Variants in LDLRAD4 observed in about 807,000 individuals in gnomAD.
LDLRAD4 encodes the protein low-density lipoprotein receptor class A domain-containing protein 4.
A neutral mutation model predicts 17.0 loss-of-function variants in LDLRAD4; 5 were observed. The observed-to-expected ratio is 0.29, with a 90% CI of 0.15 to 0.62. The LOEUF (loss-of-function observed/expected upper bound fraction) is 0.62. Ranked by LOEUF, LDLRAD4 falls within the 20% of genes least tolerant of loss-of-function variation. The pLI is 0.84. For synonymous variants in LDLRAD4, 168 were observed against 171.8 expected, an observed-to-expected ratio of 0.98 and a Z score of 0.17; for missense variants, 340 against 424.7, an observed-to-expected ratio of 0.80 and a Z score of 1.75.
intron 3 of LDLRAD4, among the ~76,000 whole-genome samples, chr18:13,479,485 G>A (rs181466977): frequency 7.9e-4 from 120 of 152,304 alleles, no homozygotes; most frequent in African/African-American, 2.6e-3. Context: ...GCTGGACATG[G>A]TGGTGGGTGC....
At chr18:13,299,368 T>A (rs2046452878) in intron 1 of LDLRAD4, among the ~76,000 whole-genome samples, 1 of 152,204 alleles carries the variant, frequency 6.6e-6, no homozygotes, top group Non-Finnish European at 1.5e-5. Context: ...GTGGGTAGCA[T>A]CTATCCTCTG....
intron 2 of LDLRAD4, among the ~76,000 whole-genome samples, chr18:13,429,752 G>T (rs2090199611): frequency 6.6e-6 from 1 of 152,222 alleles, no homozygotes; most frequent in South Asian, 2.1e-4. Flanking sequence ...CCTGCATGCA[G>T]ACCTGAGCCA....
At chr18:13,224,380 G>T (rs1457988095) in intron 1 of LDLRAD4, among the ~76,000 whole-genome samples, 1 of 152,276 alleles carries the variant, frequency 6.6e-6, no homozygotes, top group South Asian at 2.1e-4. Context: ...GGGTCTGGGG[G>T]TGTGTGCTGG....
At chr18:13,438,855 CAT>C (rs2090839263) in intron 3 of LDLRAD4, among the ~76,000 whole-genome samples, 1 of 152,194 alleles carries the variant, frequency 6.6e-6, no homozygotes, top group Admixed American at 6.5e-5. Context: ...GAGGTTTTGA[CAT>C]GTGTGAATCC....
chr18:13,310,770 C>T (rs537514193), intron 1 of LDLRAD4, among the ~76,000 whole-genome samples: 1 of 152,362 alleles, frequency 6.6e-6, no homozygotes, highest in East Asian at 1.9e-4. Flanking sequence ...TGGCTTATCT[C>T]ATTTACTGTA....
chr18:13,486,528 CAG>C (rs1463205915), intron 3 of LDLRAD4: 1 of 152,342 alleles, frequency 6.6e-6, no homozygotes, highest in African/African-American at 2.4e-5. Context: ...CGCGGAGCAG[CAG>C]AGTCAGCGGA....
chr18:13,581,830 T>TTGTG (rs144056444), intron 3 of LDLRAD4, among the ~76,000 whole-genome samples: 1 of 151,998 alleles, frequency 6.6e-6, no homozygotes, highest in South Asian at 2.1e-4. Flanking sequence ...ATGCATGAGC[T>TTGTG]TGTGTGTGTG....
chr18:13,244,124 T>TCCCCCC (rs2042833462), intron 1 of LDLRAD4, among the ~76,000 whole-genome samples: 3 of 75,852 alleles, frequency 4.0e-5, no homozygotes, highest in Admixed American at 1.6e-4. Context: ...CACCATGAAC[T>TCCCCCC]CACCCACCCA....
chr18:13,360,172 C>G (rs913103806), intron 1 of LDLRAD4, among the ~76,000 whole-genome samples: 1 of 152,148 alleles, frequency 6.6e-6, no homozygotes, highest in Non-Finnish European at 1.5e-5. Flanking sequence ...TGCTTGGGAC[C>G]CAGGCTTCTG....
chr18:13,307,968 A>T (rs1389679640), intron 1 of LDLRAD4, among the ~76,000 whole-genome samples: 1 of 152,206 alleles, frequency 6.6e-6, no homozygotes, highest in African/African-American at 2.4e-5. Context: ...GTTCAGAAAT[A>T]AAATCAATTA....
chr18:13,343,594 A>G (rs1250295080), intron 1 of LDLRAD4, among the ~76,000 whole-genome samples: 2 of 152,170 alleles, frequency 1.3e-5, no homozygotes, highest in African/African-American at 4.8e-5. Flanking sequence ...TTGGGTATAT[A>G]CCCAGTAATG....
At position 13,645,928 on chromosome 18, in the gene LDLRAD4, G is replaced by T. The variant is rs2042999379; in HGVS notation, c.*271G>T. The T allele has an allele frequency of 6.0e-6, 2 of 332,318 alleles. No homozygotes were observed. Among genetic ancestry groups the T allele is most frequent in the South Asian group, 1.5e-4 (1 of 6,822 alleles). 20.6% of individuals were successfully genotyped at this position (332,318 alleles called of 1,614,324 possible). On this transcript the variant is annotated 3_prime_UTR_variant, in exon 6 of 6. Coordinates refer to ENST00000359446, the Ensembl canonical transcript of LDLRAD4. This position sits in a 1 kb window ranked among gnomAD's most constrained non-coding sequence, Gnocchi z 5.7. ...TGTGGGCAGGGGAAAACAGAGAACG[G>T]GATGCTTTGAAGATACCATGAAATA...
intron 3 of LDLRAD4, among the ~76,000 whole-genome samples, chr18:13,448,441 T>C (rs1002555035): frequency 1.4e-4 from 21 of 152,280 alleles, no homozygotes; most frequent in African/African-American, 4.8e-4. Context: ...GGCAGAGCTG[T>C]AGGAAAGCGG....
intron 1 of LDLRAD4, among the ~76,000 whole-genome samples, chr18:13,246,169 T>C (rs12607576): frequency 0.39 from 58,870 of 152,186 alleles, 13,468 homozygotes; most frequent in South Asian, 0.54. Context: ...CCCGTATTGC[T>C]TGAAGTCACC....
chr18:13,630,203 T>G (rs1297178582), intron 4 of LDLRAD4, among the ~76,000 whole-genome samples: 1 of 152,190 alleles, frequency 6.6e-6, no homozygotes, highest in African/African-American at 2.4e-5. Flanking sequence ...ATGATTTGTC[T>G]TTTCTCTTAA....
At chr18:13,391,428 G>A (rs1289429079) in intron 2 of LDLRAD4, among the ~76,000 whole-genome samples, 1 of 152,132 alleles carries the variant, frequency 6.6e-6, no homozygotes, top group Non-Finnish European at 1.5e-5. Flanking sequence ...CTGTGTGATG[G>A]AGTTCACTCT....
intron 4 of LDLRAD4, among the ~76,000 whole-genome samples, chr18:13,628,891 C>T (rs2041408209): frequency 6.6e-6 from 1 of 152,214 alleles, no homozygotes; most frequent in Admixed American, 6.5e-5. Context: ...AGTATAGTGG[C>T]ATGATCATAA....
At chr18:13,361,102 C>G (rs2083636733) in intron 1 of LDLRAD4, among the ~76,000 whole-genome samples, 1 of 152,188 alleles carries the variant, frequency 6.6e-6, no homozygotes, top group Non-Finnish European at 1.5e-5. Flanking sequence ...CATCACTCAT[C>G]AGGAAGACCG....
chr18:13,306,239 A>T (rs892844177), intron 1 of LDLRAD4, among the ~76,000 whole-genome samples: 2 of 152,264 alleles, frequency 1.3e-5, no homozygotes, highest in Admixed American at 6.5e-5. Context: ...AGTTGGGTTT[A>T]TGAACAGGAC....
Sources: allele counts gnomAD v4.1 joint callset (sites outside exome capture counted in the v4.1 genomes callset), GRCh38; gene constraint gnomAD v4.1.1; non-coding constraint Gnocchi (gnomAD v3.1); transcripts MANE v1.5; gene names NCBI Gene and HGNC (gene_info 2026-07-23, HGNC 2026-07-21).